GNG7: variants seen among roughly 807,000 people sequenced by gnomAD.
GNG7 encodes guanine nucleotide-binding protein G(I)/G(S)/G(O) subunit gamma-7.
GNG7 carries 1 observed loss-of-function variant against 4.0 expected under a neutral mutation model. That is an observed-to-expected ratio of 0.25 (90% CI 0.09 to 1.18). The LOEUF (loss-of-function observed/expected upper bound fraction) is 1.18, where lower values mean the gene tolerates loss of function less well. Ranked by LOEUF, GNG7 falls within the 50% of genes most tolerant of loss-of-function variation. The probability of loss-of-function intolerance (pLI) is 0.50; values close to 1 mark genes in which losing one functional copy is unlikely to be tolerated. For synonymous variants in GNG7, 34 were observed against 36.9 expected, an observed-to-expected ratio of 0.92 and a Z score of 0.29; for missense variants, 86 against 91.9, an observed-to-expected ratio of 0.94 and a Z score of 0.26.
chr19:2,622,731 G>A (rs1048569289), intron 2 of GNG7, among the ~76,000 whole-genome samples: 1 of 147,080 alleles, frequency 6.8e-6, no homozygotes, highest in East Asian at 2.0e-4. Context: ...GGCAGAGAGG[G>A]AGGCTTCCGG....
At position 2,634,805 on chromosome 19, in the gene GNG7, C is replaced by T. The variant is rs945192097; in HGVS notation, c.-78+11419G>A. On this transcript the variant is annotated intron_variant, in intron 2 of 4. Coordinates refer to ENST00000382159, the MANE Select transcript of GNG7 (RefSeq NM_052847.3). This position sits in a 1 kb window ranked among gnomAD's most constrained non-coding sequence, Gnocchi z 5.3. Reference sequence around the variant, plus strand: ...GGGAAATAAACCCGCTCTGACTGGCCGCGGGGACTGGAGTTTGCTTACCAC... The same window carrying T: ...GGGAAATAAACCCGCTCTGACTGGCTGCGGGGACTGGAGTTTGCTTACCAC... Among the ~76,000 whole-genome samples, 11 of 151,868 alleles carry T rather than the reference C, an allele frequency of 7.2e-5. No individual in the cohort carries two copies. Among genetic ancestry groups the T allele is most frequent in the Non-Finnish European group, 1.3e-4 (9 of 67,984 alleles).
At chr19:2,668,654 G>A (rs985661959) in intron 1 of GNG7, among the ~76,000 whole-genome samples, 1 of 152,156 alleles carries the variant, frequency 6.6e-6, no homozygotes, top group African/African-American at 2.4e-5. Context: ...CTCCTGGGCT[G>A]GAGGAGGGCT....
chr19:2,617,078 CT>C lies in GNG7; in HGVS notation c.-78+29145del, dbSNP rs1233280290. Among the ~76,000 whole-genome samples, 2 of 152,224 alleles carry C rather than the reference CT, an allele frequency of 1.3e-5. No homozygotes were observed. Among genetic ancestry groups the C allele is most frequent in the Non-Finnish European group, 2.9e-5 (2 of 68,042 alleles). Reference sequence around the variant, plus strand: ...CGGAAAAACTTTAGCTTATTTCAGCCTAATTACATTCCGTTAACCCAAAGTC... The same window carrying C: ...CGGAAAAACTTTAGCTTATTTCAGCCAATTACATTCCGTTAACCCAAAGTC... On this transcript the variant is annotated intron_variant, in intron 2 of 4. Transcript: ENST00000382159. The surrounding 1 kb of genome is among the most constrained non-coding windows in gnomAD (Gnocchi z 4.7).
chr19:2,608,293 G>A (rs1981454263), intron 2 of GNG7, among the ~76,000 whole-genome samples: 2 of 150,716 alleles, frequency 1.3e-5, no homozygotes, highest in South Asian at 2.1e-4. Context: ...GAGAGGTTCC[G>A]CCCACGTGGG....
chr19:2,582,155 C>T (rs1980521987), intron 2 of GNG7, among the ~76,000 whole-genome samples: 1 of 151,970 alleles, frequency 6.6e-6, no homozygotes, highest in Admixed American at 6.6e-5. Context: ...CACAAAAGCA[C>T]GTGGAAATGG....
chr19:2,587,059 A>G (rs1042655436), intron 2 of GNG7, among the ~76,000 whole-genome samples: 17 of 150,938 alleles, frequency 1.1e-4, no homozygotes, highest in African/African-American at 3.7e-4. Context: ...GGCATCCACT[A>G]CCACGCAACA....
rs567270464 is a variant in GNG7 at position 2,523,641 on chromosome 19, C to T, written c.-37-2916G>A. ...AGAGCCTCACACACTCACACACCAGCGGGCACAATACTGAATACTGTGGAA... is the reference window on the plus strand; with the variant it reads ...AGAGCCTCACACACTCACACACCAGTGGGCACAATACTGAATACTGTGGAA... On this transcript the variant is annotated intron_variant, in intron 3 of 4. Coordinates refer to ENST00000382159, the MANE Select transcript of GNG7 (RefSeq NM_052847.3). 1.6e-4 allele frequency among the ~76,000 whole-genome samples: 24 copies of T among 152,210 alleles called. No individual in the cohort carries two copies. In the East Asian group the frequency reaches 4.3e-3, roughly 27 times the overall value.
At position 2,617,726 on chromosome 19, in the gene GNG7, T is replaced by TA. The variant is rs959917089; in HGVS notation, c.-78+28497_-78+28498insT. 1.3e-5 allele frequency among the ~76,000 whole-genome samples: 2 copies of TA among 151,108 alleles called. No individual in the cohort carries two copies. Among genetic ancestry groups the TA allele is most frequent in the African/African-American group, 4.9e-5 (2 of 40,678 alleles). Reference sequence around the variant, plus strand: ...CTATTTTGTCTTTTCCTTTTTATTTTTTTTTTTTTTGAGATAGGGTCTTGC... The same window carrying TA: ...CTATTTTGTCTTTTCCTTTTTATTTTATTTTTTTTTTGAGATAGGGTCTTGC... On this transcript the variant is annotated intron_variant, in intron 2 of 4. Coordinates refer to ENST00000382159, the MANE Select transcript of GNG7 (RefSeq NM_052847.3). This position sits in a 1 kb window ranked among gnomAD's most constrained non-coding sequence, Gnocchi z 4.7.
intron 1 of GNG7, among the ~76,000 whole-genome samples, chr19:2,646,905 A>C (rs1216567779): frequency 6.6e-6 from 1 of 152,196 alleles, no homozygotes; most frequent in Non-Finnish European, 1.5e-5. Flanking sequence ...GAAGGGGCTG[A>C]GTTAGTCCCA....
chr19:2,605,734 G>A lies in GNG7; in HGVS notation c.-78+40490C>T, dbSNP rs1055234366. 1.1e-3 allele frequency among the ~76,000 whole-genome samples: 171 copies of A among 149,728 alleles called. 1 individual carries two copies. The South Asian group carries it at 0.014, about 12-fold the overall frequency. On this transcript the variant is annotated intron_variant, in intron 2 of 4. Transcript: ENST00000382159. ...TCACCATGTTGGCCAGCATGGTCTC[G>A]ATCTCCTGACCTCGTGATCTGCCCG...
chr19:2,686,783 G>C (rs1219221419), intron 1 of GNG7, among the ~76,000 whole-genome samples: 1 of 143,728 alleles, frequency 7.0e-6, no homozygotes, highest in Admixed American at 7.2e-5. Context: ...ACAGAGTCTC[G>C]CTCTCTCGCC....
Position 2,611,942 on chromosome 19 carries a change from C to T in GNG7, c.-78+34282G>A, listed in dbSNP as rs1032298413. ...AGGCTGAAGTGCAGTAGTGTGATCT[C>T]AGCTCACTGCAACCTCCGCCTCCCG... On this transcript the variant is annotated intron_variant, in intron 2 of 4. Coordinates refer to ENST00000382159, the MANE Select transcript of GNG7 (RefSeq NM_052847.3). The surrounding 1 kb of genome is among the most constrained non-coding windows in gnomAD (Gnocchi z 6.0). 1 of 151,650 alleles carries T rather than the reference C, an allele frequency of 6.6e-6. No individual in the cohort carries two copies. Among genetic ancestry groups the T allele is most frequent in the Non-Finnish European group, 1.5e-5 (1 of 67,994 alleles). The allele number at this position is 151,650 out of a possible 1,614,324, so 9.4% of individuals were successfully genotyped here.
At position 2,601,739 on chromosome 19, in the gene GNG7, C is replaced by T. The variant is rs375630960; in HGVS notation, c.-78+44485G>A. On this transcript the variant is annotated intron_variant, in intron 2 of 4. Transcript: ENST00000382159. ...GACCAGCCTGAGCAACATGGCGAGA[C>T]CCTGTCTTTATAAAAAAATTAGCCG... is the stretch of plus-strand genomic sequence containing the variant. Among the ~76,000 whole-genome samples, 33 of 151,546 alleles carry T rather than the reference C, an allele frequency of 2.2e-4. No homozygotes were observed. In the South Asian group the frequency reaches 5.4e-3, roughly 25 times the overall value.
chr19:2,532,945 G>A (rs1037718287), intron 3 of GNG7, among the ~76,000 whole-genome samples: 5 of 152,016 alleles, frequency 3.3e-5, no homozygotes, highest in Admixed American at 6.6e-5. Context: ...CACTCCTAGG[G>A]ATTTATTCAA....
Position 2,514,986 on chromosome 19 carries a change from A to AGAG in GNG7, c.*35_*36insCTC, listed in dbSNP as rs1972712438. On this transcript the variant is annotated 3_prime_UTR_variant, in exon 5 of 5. Transcript: ENST00000382159. ...ACAGAGACAGAGAGAGAGAGAGAGA[A>AGAG]AGAGAGAGAGAGAGAGAGAACATAT... 1.9e-6 allele frequency: 2 copies of AGAG among 1,055,230 alleles called. No homozygotes were observed. Among genetic ancestry groups the AGAG allele is most frequent in the Non-Finnish European group, 2.6e-6 (2 of 757,452 alleles). The allele number at this position is 1,055,230 out of a possible 1,614,324, so 65.4% of individuals were successfully genotyped here. A position where few individuals can be genotyped will look rare whatever the true frequency, so the allele number is the denominator to read the frequency against.
At chr19:2,588,601 A>G (rs1980747928) in intron 2 of GNG7, among the ~76,000 whole-genome samples, 1 of 152,132 alleles carries the variant, frequency 6.6e-6, no homozygotes, top group Non-Finnish European at 1.5e-5. Context: ...CGTATTTCTT[A>G]GCCATCCTCC....
At position 2,618,479 on chromosome 19, in the gene GNG7, G is replaced by T. The variant is rs1981781294; in HGVS notation, c.-78+27745C>A. ...TTCTCCTGCCTCAGCCTCCCAAGTA[G>T]CTGGGATTACAGGCACGTGCCACCA... On this transcript the variant is annotated intron_variant, in intron 2 of 4. Coordinates refer to ENST00000382159, the MANE Select transcript of GNG7 (RefSeq NM_052847.3). The surrounding 1 kb of genome is among the most constrained non-coding windows in gnomAD (Gnocchi z 5.1). Among the ~76,000 whole-genome samples, 1 of 151,770 alleles carries T rather than the reference G, an allele frequency of 6.6e-6. No individual in the cohort carries two copies. Among genetic ancestry groups the T allele is most frequent in the Admixed American group, 6.6e-5 (1 of 15,198 alleles).
intron 2 of GNG7, among the ~76,000 whole-genome samples, chr19:2,566,823 C>T (rs918019763): frequency 6.6e-6 from 1 of 152,156 alleles, no homozygotes; most frequent in Non-Finnish European, 1.5e-5. Context: ...CACACTGTCG[C>T]TGGGCATGGT....
At chr19:2,520,779 G>T in intron 3 of GNG7, 54 bp from the exon 4 acceptor site, 1 of 786,238 alleles carries the variant, frequency 1.3e-6, no homozygotes. Context: ...CCTCTGGGTG[G>T]CAGCAGGGGC....
Sources: allele counts gnomAD v4.1 joint callset (sites outside exome capture counted in the v4.1 genomes callset), GRCh38; gene constraint gnomAD v4.1.1; non-coding constraint Gnocchi (gnomAD v3.1); transcripts MANE v1.5; gene names NCBI Gene and HGNC (gene_info 2026-07-23, HGNC 2026-07-21).